Variants in SLC44A5 observed in about 807,000 individuals in gnomAD.
SLC44A5 encodes choline transporter-like protein 5.
A neutral mutation model predicts 101.8 loss-of-function variants in SLC44A5; 57 were observed. That is an observed-to-expected ratio of 0.56 (90% confidence interval 0.45 to 0.70). The LOEUF (loss-of-function observed/expected upper bound fraction) is 0.70, where lower values mean the gene tolerates loss of function less well. Ranked by LOEUF, SLC44A5 falls within the 30% of genes least tolerant of loss-of-function variation. SLC44A5 has a pLI of 0.00. For synonymous variants in SLC44A5, 281 were observed against 290.9 expected, an observed-to-expected ratio of 0.97 and a Z score of 0.35; for missense variants, 737 against 853.1, an observed-to-expected ratio of 0.86 and a Z score of 1.70.
chr1:75,374,673 C>T (rs1660454104), intron 3 of SLC44A5, among the ~76,000 whole-genome samples: 1 of 152,150 alleles, frequency 6.6e-6, no homozygotes, highest in African/African-American at 2.4e-5. Context: ...GGATTGCAAC[C>T]TGAATCACAC....
rs115575537 is a variant in SLC44A5 at position 75,503,458 on chromosome 1, G to A, written c.13+37977C>T. On this transcript the variant is annotated intron_variant, in intron 2 of 23. Coordinates refer to ENST00000370859, the MANE Select transcript of SLC44A5 (RefSeq NM_001130058.2). ...TGCTCTCTCTCTCCTGCAGCCATGCGAAGACATGCTTGCTTCCTCTTCACC... is the reference window on the plus strand; with the variant it reads ...TGCTCTCTCTCTCCTGCAGCCATGCAAAGACATGCTTGCTTCCTCTTCACC... Among the ~76,000 whole-genome samples, 1,050 of 152,110 alleles carry A rather than the reference G, an allele frequency of 6.9e-3. 7 individuals are homozygous for A. Among genetic ancestry groups the A allele is most frequent in the African/African-American group, 0.024 (994 of 41,482 alleles).
rs556469182 is a variant in SLC44A5, at chr1:75,248,008, C to T, written c.345+3202G>A. ...AAATTTTTTAAGATTAAAGAAATAA[C>T]AGTAGTGAACAAAACAGATAAAAAT... On this transcript the variant is annotated intron_variant, in intron 7 of 23. Transcript: ENST00000370859. Among the ~76,000 whole-genome samples the T allele has an allele frequency of 3.3e-5, 5 of 152,020 alleles. No individual in the cohort carries two copies. The East Asian group carries it at 9.7e-4, about 29-fold the overall frequency.
chr1:75,591,509 T>C (rs950251613), intron 1 of SLC44A5, among the ~76,000 whole-genome samples: 1 of 152,206 alleles, frequency 6.6e-6, no homozygotes, highest in Non-Finnish European at 1.5e-5. Flanking sequence ...TATTGTTCTG[T>C]AGTTTTCTTT....
intron 4 of SLC44A5, among the ~76,000 whole-genome samples, chr1:75,334,576 T>C (rs752708414): frequency 3.3e-5 from 5 of 152,154 alleles, no homozygotes; most frequent in Non-Finnish European, 7.3e-5. Context: ...ACTAGTTTGA[T>C]TGTAGTTACA....
chr1:75,539,939 T>A (rs1401820314), intron 2 of SLC44A5, among the ~76,000 whole-genome samples: 1 of 152,218 alleles, frequency 6.6e-6, no homozygotes, highest in Non-Finnish European at 1.5e-5. Flanking sequence ...ACACCCAACT[T>A]ATGAGCAGCT....
intron 1 of SLC44A5, among the ~76,000 whole-genome samples, chr1:75,547,409 G>T (rs1671709719): frequency 6.6e-6 from 1 of 152,132 alleles, no homozygotes; most frequent in African/African-American, 2.4e-5. Flanking sequence ...TTAAATAAGT[G>T]GAACTGAGAT....
At chr1:75,654,287 C>T in the SLC44A5 span, among the ~76,000 whole-genome samples, 2 of 152,092 alleles carry the variant, frequency 1.3e-5, no homozygotes, top group Non-Finnish European at 2.9e-5. Flanking sequence ...TCTATATAGT[C>T]CTTAAAGTTC....
intron 2 of SLC44A5, among the ~76,000 whole-genome samples, chr1:75,539,648 A>G (rs895584472): frequency 3.3e-5 from 5 of 151,846 alleles, no homozygotes; most frequent in African/African-American, 9.7e-5. Context: ...GTAATGGCTC[A>G]AGCCTTGAGT....
chr1:75,591,232 G>T (rs916002739), intron 1 of SLC44A5, among the ~76,000 whole-genome samples: 1 of 152,172 alleles, frequency 6.6e-6, no homozygotes, highest in Non-Finnish European at 1.5e-5. Flanking sequence ...TGCCCCCTAA[G>T]GTGGGAGAAA....
At chr1:75,289,333 T>C (rs1475212029) in intron 5 of SLC44A5, among the ~76,000 whole-genome samples, 1 of 152,200 alleles carries the variant, frequency 6.6e-6, no homozygotes, top group Non-Finnish European at 1.5e-5. Context: ...TAGAGGTCTC[T>C]AGGGTGTTGA....
At chr1:75,636,861 G>C in the SLC44A5 span, among the ~76,000 whole-genome samples, 7 of 152,034 alleles carry the variant, frequency 4.6e-5, no homozygotes, top group Non-Finnish European at 1.0e-4. Context: ...AGATATCCCA[G>C]GCAAAAAGAA....
At chr1:75,678,363 T>C in the SLC44A5 span, among the ~76,000 whole-genome samples, 1 of 152,158 alleles carries the variant, frequency 6.6e-6, no homozygotes, top group Non-Finnish European at 1.5e-5. Flanking sequence ...AATGTCCCTG[T>C]CTGACAGCTT....
intron 6 of SLC44A5, among the ~76,000 whole-genome samples, chr1:75,270,174 C>T (rs779815132): frequency 1.2e-4 from 18 of 152,040 alleles, no homozygotes; most frequent in Non-Finnish European, 2.4e-4. Flanking sequence ...GACTAATACA[C>T]CATTTTATAC....
In SLC44A5 at chr1:75,500,405, TG is replaced by T; in HGVS notation, c.13+41029del. On this transcript the variant is annotated intron_variant, in intron 2 of 23. Transcript: ENST00000370859. ...TGGTAAAACTATTGCCTGCAAAAAC[TG>T]GAAGATAAACAAAAGTAATATTTAC... Among the ~76,000 whole-genome samples the T allele has an allele frequency of 3.3e-5, 5 of 152,242 alleles. 1 individual carries two copies. The South Asian group carries it at 1.0e-3, about 32-fold the overall frequency.
chr1:75,676,944 C>T, the SLC44A5 span, among the ~76,000 whole-genome samples: 1 of 152,070 alleles, frequency 6.6e-6, no homozygotes, highest in African/African-American at 2.4e-5. Context: ...ACCTTACAGG[C>T]CAGGAGAGAG....
intron 1 of SLC44A5, among the ~76,000 whole-genome samples, chr1:75,542,916 A>G (rs1282919272): frequency 6.6e-6 from 1 of 152,170 alleles, no homozygotes; most frequent in Non-Finnish European, 1.5e-5. Flanking sequence ...TCTTCAACTC[A>G]GTATTTCTCA....
the SLC44A5 span, among the ~76,000 whole-genome samples, chr1:75,668,854 G>T: frequency 2.0e-5 from 3 of 151,292 alleles, no homozygotes; most frequent in Non-Finnish European, 2.9e-5. Context: ...AACTAGCTGG[G>T]TGTGGTACAA....
At chr1:75,419,520 A>T (rs1001765784) in intron 2 of SLC44A5, among the ~76,000 whole-genome samples, 4 of 151,812 alleles carry the variant, frequency 2.6e-5, no homozygotes, top group Admixed American at 6.6e-5. Flanking sequence ...GGAAAAAAAA[A>T]CTTTCAAAAA....
the SLC44A5 span, among the ~76,000 whole-genome samples, chr1:75,653,374 CG>C: frequency 6.6e-6 from 1 of 152,018 alleles, no homozygotes; most frequent in Non-Finnish European, 1.5e-5. Flanking sequence ...CCCAGCTACT[CG>C]GGAGGCTGAT....
Sources: allele counts gnomAD v4.1 joint callset (sites outside exome capture counted in the v4.1 genomes callset), GRCh38; gene constraint gnomAD v4.1.1; transcripts MANE v1.5; gene names NCBI Gene and HGNC (gene_info 2026-07-23, HGNC 2026-07-21).